Variants in EVC2 observed in about 807,000 individuals in gnomAD.
EVC2 encodes EvC ciliary complex subunit 2, also known as limbin.
Under a neutral mutation model 149.3 loss-of-function variants are expected in EVC2, and 148 were observed. The observed-to-expected ratio is 0.99, with a 90% CI of 0.87 to 1.14. The LOEUF (loss-of-function observed/expected upper bound fraction) is 1.14, where lower values mean the gene tolerates loss of function less well. EVC2 is among the 50% of genes most tolerant of loss of function. The probability of loss-of-function intolerance (pLI) is 0.00; values close to 1 mark genes in which losing one functional copy is unlikely to be tolerated. For missense variants in EVC2, 1,854 were observed against 1,627.3 expected (o/e 1.14, Z -2.40); for synonymous variants, 776 against 649.9 (o/e 1.19, Z -2.95).
intron 9 of EVC2, among the ~76,000 whole-genome samples, chr4:5,645,255 T>C (rs1717627407): frequency 6.6e-6 from 1 of 152,124 alleles, no homozygotes; most frequent in African/African-American, 2.4e-5. Context: ...ACCTCTTTTT[T>C]TTTTTTTTTT....
Position 5,622,958 on chromosome 4 carries a change from C to A in EVC2, c.2080G>T (p.Gly694Cys). Residue 694 changes from glycine to cysteine, a missense_variant, in exon 14 of 22, where the codon GGC becomes TGC. Coordinates refer to ENST00000344408, the MANE Select transcript of EVC2 (RefSeq NM_147127.5). The surrounding 1 kb of genome is among the most constrained non-coding windows in gnomAD (Gnocchi z 5.8). ...TCCTCAACCGTTCGGAAGGCCTCGC[C>A]GACGGACGCCTGCTCCCTACGCTGC... ...REQRREQASV[G>C]EAFRTVEDAG... is the part of the protein sequence containing the mutation. 6.2e-7 allele frequency: 1 copy of A among 1,614,018 alleles called. No individual in the cohort carries two copies.
Position 5,694,472 on chromosome 4 carries a change from T to G in EVC2, c.313A>C (p.Lys105Gln). 1 of 1,614,226 alleles carries G rather than the reference T, an allele frequency of 6.2e-7. No individual in the cohort carries two copies. The highest frequency in any genetic ancestry group is 8.5e-7 in the Non-Finnish European group (1 of 1,180,042). Residue 105 changes from lysine (K) to glutamine (Q), a missense_variant, in exon 3 of 22, where the codon AAG becomes CAG. By Grantham distance (53) the Lys-to-Gln change is moderately conservative. Transcript: ENST00000344408. The stretch of plus-strand genomic sequence containing the variant: ...AGTGGGATGAAGACTTCCATTTTCT[T>G]GTCCAATTTCATTCCAAGTGGTGCT... ...VEAPLGMKLD[K>Q]KMEVFIPLST... is the part of the protein sequence containing the mutation.
At position 5,654,213 on chromosome 4, in the gene EVC2, C is replaced by CA. The variant is rs112757078; in HGVS notation, c.1145+8893dup. The stretch of plus-strand genomic sequence containing the variant: ...TGAGTGACAGAGTGAGACTCCGTCT[C>CA]AAAAAAAAAAGAGGTTGGAAACAGC... On this transcript the variant is annotated intron_variant, in intron 9 of 21. Transcript: ENST00000344408. Among the ~76,000 whole-genome samples the CA allele has an allele frequency of 3.5e-3, 508 of 145,838 alleles. 1 individual carries two copies. Among genetic ancestry groups the CA allele is most frequent in the African/African-American group, 0.011 (449 of 39,738 alleles).
downstream of EVC2, among the ~76,000 whole-genome samples, chr4:5,558,126 A>G (rs1721872216): frequency 6.6e-6 from 1 of 152,220 alleles, no homozygotes; most frequent in Admixed American, 6.5e-5. Flanking sequence ...CTAAAGAAAA[A>G]CAAAGTTGGA....
chr4:5,539,343 A>G (rs1319340196), downstream of EVC2, among the ~76,000 whole-genome samples: 1 of 150,410 alleles, frequency 6.6e-6, no homozygotes, highest in African/African-American at 2.4e-5. Context: ...AATATTTGTT[A>G]AGATGTAAAT....
rs1287092802 is a variant in EVC2 at position 5,633,011 on chromosome 4, A to G, written c.1471-979T>C. On this transcript the variant is annotated intron_variant, in intron 10 of 21. Transcript: ENST00000344408. This position sits in a 1 kb window ranked among gnomAD's most constrained non-coding sequence, Gnocchi z 4.4. ...TGAGGGTGTCTTGATGATGTAATTA[A>G]GGTCACTAATCAGTTGACTTTGAAT... 6.6e-6 allele frequency among the ~76,000 whole-genome samples: 1 copy of G among 152,226 alleles called. No homozygotes were observed. The highest frequency in any genetic ancestry group is 2.4e-5 in the African/African-American group (1 of 41,458).
chr4:5,653,260 G>C (rs1046034961), intron 9 of EVC2, among the ~76,000 whole-genome samples: 1 of 152,214 alleles, frequency 6.6e-6, no homozygotes, highest in Admixed American at 6.5e-5. Context: ...AAGGAGTTAT[G>C]ACTTCAACAT....
chr4:5,570,578 A>G (rs1722582217), intron 19 of EVC2, among the ~76,000 whole-genome samples: 1 of 152,214 alleles, frequency 6.6e-6, no homozygotes, highest in African/African-American at 2.4e-5. Flanking sequence ...ACTATGGAAA[A>G]CAGTATGGAG....
Position 5,605,676 on chromosome 4 carries a change from G to C in EVC2, c.2829+9746C>G, listed in dbSNP as rs114963067. ...CTGTCCTGCCCAGGAACTCAGCAAA[G>C]AAGGGCTTGGCCAGGAGGCATTTTG... On this transcript the variant is annotated intron_variant, in intron 16 of 21. Coordinates refer to ENST00000344408, the MANE Select transcript of EVC2 (RefSeq NM_147127.5). Among the ~76,000 whole-genome samples, 357 of 152,370 alleles carry C rather than the reference G, an allele frequency of 2.3e-3. 3 individuals are homozygous for C. The highest frequency in any genetic ancestry group is 8.1e-3 in the African/African-American group (335 of 41,592).
At chr4:5,708,567 C>T, upstream of EVC2, 2 of 1,280,774 alleles carry the variant, frequency 1.6e-6, no homozygotes, top group Non-Finnish European at 2.0e-6. Flanking sequence ...GTCGCTGGAG[C>T]TTCCGGACCC....
chr4:5,573,204 C>T (rs865867188), intron 19 of EVC2, among the ~76,000 whole-genome samples: 2 of 152,030 alleles, frequency 1.3e-5, no homozygotes, highest in South Asian at 2.1e-4. Flanking sequence ...CTGGGACCTG[C>T]GAAGATGTCA....
chr4:5,694,780 T>C (rs1721361733), intron 2 of EVC2, among the ~76,000 whole-genome samples: 1 of 152,180 alleles, frequency 6.6e-6, no homozygotes, highest in South Asian at 2.1e-4. Context: ...TGGGCAAGAA[T>C]GATGCCTGGG....
chr4:5,587,547 A>G (rs781179079), intron 16 of EVC2, among the ~76,000 whole-genome samples: 15 of 152,242 alleles, frequency 9.9e-5, no homozygotes, highest in Non-Finnish European at 1.9e-4. Flanking sequence ...TGTAGTTACC[A>G]TTCCCATTGC....
At chr4:5,586,652 C>G (rs971661384) in intron 16 of EVC2, among the ~76,000 whole-genome samples, 5 of 152,150 alleles carry the variant, frequency 3.3e-5, no homozygotes, top group African/African-American at 1.2e-4. Context: ...CTCCACAACC[C>G]CCTTAGTGTA....
intron 9 of EVC2, among the ~76,000 whole-genome samples, chr4:5,644,216 A>G (rs1419094328): frequency 6.6e-6 from 1 of 152,190 alleles, no homozygotes; most frequent in Non-Finnish European, 1.5e-5. Context: ...TAACAGATCT[A>G]AGATCTTCAT....
intron 9 of EVC2, among the ~76,000 whole-genome samples, chr4:5,650,172 C>T (rs1371081814): frequency 2.0e-5 from 3 of 152,146 alleles, no homozygotes. Flanking sequence ...AAGATGCAGA[C>T]AGATGCCACT....
chr4:5,690,638 C>T (rs770767947), intron 4 of EVC2, among the ~76,000 whole-genome samples: 24 of 152,100 alleles, frequency 1.6e-4, no homozygotes, highest in African/African-American at 5.6e-4. Flanking sequence ...ATATTCCATC[C>T]GGATTGTCAA....
At chr4:5,543,285 C>T in intron 21 of EVC2, 1 of 1,047,364 alleles carries the variant, frequency 9.5e-7, no homozygotes, top group Non-Finnish European at 1.3e-6. Context: ...TCACCATCCA[C>T]CCCAAGCCGG....
chr4:5,567,240 G>A lies in EVC2; in HGVS notation c.3557+1204C>T, dbSNP rs908230709. Among the ~76,000 whole-genome samples, 5 of 152,026 alleles carry A rather than the reference G, an allele frequency of 3.3e-5. No homozygotes were observed. The highest frequency in any genetic ancestry group is 7.2e-5 in the African/African-American group (3 of 41,410). On this transcript the variant is annotated intron_variant, in intron 20 of 21. Transcript: ENST00000344408. The surrounding 1 kb of genome is among the most constrained non-coding windows in gnomAD (Gnocchi z 4.4). The stretch of plus-strand genomic sequence containing the variant: ...CCCAAGGCCACTAGGAAGGCTCTTC[G>A]ACACTGTGGCCTCCTGCCCACACCC...
Sources: gnomAD v4.1 joint callset for allele counts (sites outside exome capture counted in the v4.1 genomes callset) on GRCh38, gnomAD v4.1.1 for gene constraint, Gnocchi (gnomAD v3.1) non-coding constraint, MANE v1.5 for transcripts, NCBI Gene and HGNC (gene_info 2026-07-23, HGNC 2026-07-21) for gene names.